Variants in AGAP1 observed in about 807,000 individuals in gnomAD.
The protein encoded by AGAP1 is ArfGAP with GTPase domain, ankyrin repeat and PH domain 1.
In AGAP1, 29 loss-of-function variants were observed where a neutral mutation model predicts 105.3. The ratio of observed to expected loss-of-function variants is 0.28; its 90% CI spans 0.21 to 0.38. The LOEUF is 0.38. AGAP1 is among the 10% of genes least tolerant of loss of function. The pLI, the probability that AGAP1 is intolerant of heterozygous loss-of-function variation, is 1.00. For synonymous variants in AGAP1, 509 were observed against 485.9 expected (o/e 1.05, Z -0.63); for missense variants, 998 against 1,165.1 (o/e 0.86, Z 2.09).
At chr2:236,106,459 G>A (rs564991954) in intron 16 of AGAP1, among the ~76,000 whole-genome samples, 3 of 152,364 alleles carry the variant, frequency 2.0e-5, no homozygotes, top group East Asian at 1.9e-4. Flanking sequence ...TGTCGTGTGC[G>A]TGACTCGGCT....
intron 1 of AGAP1, among the ~76,000 whole-genome samples, chr2:235,506,372 G>GC (rs1290718440): frequency 6.6e-6 from 1 of 152,160 alleles, no homozygotes; most frequent in African/African-American, 2.4e-5. Flanking sequence ...TTTGAGACCA[G>GC]CCTAGGCACA....
intron 9 of AGAP1, among the ~76,000 whole-genome samples, chr2:235,839,186 A>C (rs1575590793): frequency 1.3e-5 from 2 of 152,312 alleles, no homozygotes; most frequent in East Asian, 1.9e-4. Context: ...CAAAAAATAG[A>C]ATGAGTTTGA....
At position 235,752,574 on chromosome 2, in the gene AGAP1, C is replaced by G. The variant is rs1157894939; in HGVS notation, c.673+2086C>G. Among the ~76,000 whole-genome samples the G allele has an allele frequency of 6.6e-6, 1 of 152,114 alleles. No individual in the cohort carries two copies. The highest frequency in any genetic ancestry group is 6.6e-5 in the Admixed American group (1 of 15,266). On this transcript the variant is annotated intron_variant, in intron 6 of 17. Coordinates refer to ENST00000304032, the MANE Select transcript of AGAP1 (RefSeq NM_001037131.3). The surrounding 1 kb of genome is among the most constrained non-coding windows in gnomAD (Gnocchi z 4.3). ...CAGCTGTGACAGCAGAGATGAGGGT[C>G]TTTGCGGCCTGAGAAGCCCAGAATA...
At chr2:235,530,310 T>A (rs1199446332) in intron 1 of AGAP1, among the ~76,000 whole-genome samples, 3 of 152,192 alleles carry the variant, frequency 2.0e-5, no homozygotes, top group Non-Finnish European at 2.9e-5. Flanking sequence ...CCCGTTAGAC[T>A]GTGCTTCCGC....
chr2:236,103,555 T>C (rs1392332527), intron 16 of AGAP1, among the ~76,000 whole-genome samples: 2 of 151,980 alleles, frequency 1.3e-5, no homozygotes, highest in African/African-American at 4.8e-5. Context: ...TTCTTTCCTT[T>C]CTTTCTTTCT....
In AGAP1 at chr2:235,837,007, C is replaced by T. The variant is rs182172043; in HGVS notation, c.1050+29676C>T. Among the ~76,000 whole-genome samples, 755 of 152,186 alleles carry T rather than the reference C, an allele frequency of 5.0e-3. 6 individuals carry two copies. Among genetic ancestry groups the T allele is most frequent in the African/African-American group, 0.017 (702 of 41,526 alleles). ...GGGGGGTTGTGGGAGGGGGTTGAGA[C>T]GGAGTTTTGCTCTTGTTGCCCGGTC... On this transcript the variant is annotated intron_variant, in intron 9 of 17. Coordinates refer to ENST00000304032, the MANE Select transcript of AGAP1 (RefSeq NM_001037131.3).
chr2:235,528,367 C>G (rs1233279393), intron 1 of AGAP1, among the ~76,000 whole-genome samples: 2 of 149,972 alleles, frequency 1.3e-5, no homozygotes, highest in Non-Finnish European at 3.0e-5. Context: ...CTCCCCCGCC[C>G]CCTCCCCTCC....
intron 1 of AGAP1, among the ~76,000 whole-genome samples, chr2:235,697,617 C>A (rs988399894): frequency 6.6e-6 from 1 of 152,146 alleles, no homozygotes; most frequent in Non-Finnish European, 1.5e-5. Flanking sequence ...GCTCTTGTGG[C>A]GAAAATTCAG....
intron 11 of AGAP1, among the ~76,000 whole-genome samples, chr2:235,928,478 C>G (rs1289054563): frequency 6.6e-6 from 1 of 152,188 alleles, no homozygotes; most frequent in Admixed American, 6.5e-5. Flanking sequence ...AGCACCCACC[C>G]TCACCCTCCT....
At chr2:235,604,035 G>C (rs1057451719) in intron 1 of AGAP1, among the ~76,000 whole-genome samples, 2 of 151,872 alleles carry the variant, frequency 1.3e-5, no homozygotes, top group Non-Finnish European at 2.9e-5. Flanking sequence ...GGTGGATCTT[G>C]CTAGAAGCTC....
chr2:235,858,470 G>A (rs529017451), intron 9 of AGAP1, among the ~76,000 whole-genome samples: 17 of 152,228 alleles, frequency 1.1e-4, no homozygotes, highest in Middle Eastern at 3.4e-3. Context: ...TGGGCAGAAC[G>A]TATATATCCT....
At chr2:235,718,575 G>A (rs1297319697) in intron 3 of AGAP1, among the ~76,000 whole-genome samples, 1 of 152,130 alleles carries the variant, frequency 6.6e-6, no homozygotes, top group African/African-American at 2.4e-5. Flanking sequence ...CTTTTTAGCA[G>A]TAGTCCCAAG....
At chr2:235,536,626 TTCACACACACACAC>T (rs1347034758) in intron 1 of AGAP1, among the ~76,000 whole-genome samples, 2 of 63,262 alleles carry the variant, frequency 3.2e-5, no homozygotes, top group East Asian at 4.0e-4. Flanking sequence ...TGTCGCATCC[TTCACACACACACAC>T]ACACACACAC....
chr2:235,812,256 C>T (rs999938468), intron 9 of AGAP1, among the ~76,000 whole-genome samples: 8 of 152,200 alleles, frequency 5.3e-5, no homozygotes, highest in Admixed American at 1.3e-4. Context: ...CATTTCCCAG[C>T]AGCCATCTGA....
chr2:236,071,873 G>A (rs983528798), intron 16 of AGAP1, among the ~76,000 whole-genome samples: 3 of 152,144 alleles, frequency 2.0e-5, no homozygotes, highest in Admixed American at 6.5e-5. Flanking sequence ...AGCTGCCTGC[G>A]GCTGGCACAC....
At chr2:235,632,072 T>G (rs1946846339) in intron 1 of AGAP1, among the ~76,000 whole-genome samples, 1 of 152,228 alleles carries the variant, frequency 6.6e-6, no homozygotes, top group Non-Finnish European at 1.5e-5. Flanking sequence ...AAGAGAAATA[T>G]TCTTCTGTCT....
At position 235,733,213 on chromosome 2, in the gene AGAP1, C is replaced by T. The variant is rs1274953482; in HGVS notation, c.311-7750C>T. Among the ~76,000 whole-genome samples the T allele has an allele frequency of 6.6e-6, 1 of 152,200 alleles. No homozygotes were observed. The highest frequency in any genetic ancestry group is 1.5e-5 in the Non-Finnish European group (1 of 68,034). Reference sequence around the variant, plus strand: ...TGCGTGGGTCACTTCTCCCGCTCACCAGGCAACACGGGCATCTTCTTTGCC... The same window carrying T: ...TGCGTGGGTCACTTCTCCCGCTCACTAGGCAACACGGGCATCTTCTTTGCC... On this transcript the variant is annotated intron_variant, in intron 3 of 17. Coordinates refer to ENST00000304032, the MANE Select transcript of AGAP1 (RefSeq NM_001037131.3). The surrounding 1 kb of genome is among the most constrained non-coding windows in gnomAD (Gnocchi z 5.0).
chr2:235,727,010 G>A (rs1951682453), intron 3 of AGAP1, among the ~76,000 whole-genome samples: 2 of 152,120 alleles, frequency 1.3e-5, no homozygotes, highest in East Asian at 1.9e-4. Flanking sequence ...TGGTGGTTTC[G>A]GTCCTTAGTG....
At position 235,555,051 on chromosome 2, in the gene AGAP1, A is replaced by G. The variant is rs564570262; in HGVS notation, c.163+60202A>G. Among the ~76,000 whole-genome samples, 7 of 152,292 alleles carry G rather than the reference A, an allele frequency of 4.6e-5. No homozygotes were observed. In the South Asian group the frequency reaches 1.0e-3, roughly 23 times the overall value. The stretch of plus-strand genomic sequence containing the variant: ...GAGGGTCCTGGAGAGGAGGTGGAGC[A>G]GTTGCCTTCTCAGCATCGTGGGGTG... On this transcript the variant is annotated intron_variant, in intron 1 of 17. Transcript: ENST00000304032. The surrounding 1 kb of genome is among the most constrained non-coding windows in gnomAD (Gnocchi z 5.1).
Sources: allele counts gnomAD v4.1 joint callset (sites outside exome capture counted in the v4.1 genomes callset), GRCh38; gene constraint gnomAD v4.1.1; non-coding constraint Gnocchi (gnomAD v3.1); transcripts MANE v1.5; gene names NCBI Gene and HGNC (gene_info 2026-07-23, HGNC 2026-07-21).